Variants in KIAA0513 observed in about 807,000 individuals in gnomAD.
KIAA0513 encodes uncharacterized protein KIAA0513.
KIAA0513 carries 39 observed loss-of-function variants against 56.5 expected under a neutral mutation model. The ratio of observed to expected loss-of-function variants is 0.69; its 90% CI spans 0.53 to 0.90. The LOEUF (loss-of-function observed/expected upper bound fraction) is 0.90. Ranked by LOEUF, KIAA0513 falls within the 40% of genes least tolerant of loss-of-function variation. KIAA0513 has a pLI of 0.00. For missense variants in KIAA0513, 591 were observed against 535.2 expected, an observed-to-expected ratio of 1.10 and a Z score of -1.03; for synonymous variants, 268 against 215.6, an observed-to-expected ratio of 1.24 and a Z score of -2.13.
chr16:85,077,561 G>A lies in KIAA0513; in HGVS notation c.711G>A (p.Arg237=). ...AERLLKNTSA[R]TENVKGFFGG... ...GGCTGCTGAAGAACACCTCGGCCAGGACTGAGAATGTCAAGGGCTTCTTCG... is the reference window on the plus strand; with the variant it reads ...GGCTGCTGAAGAACACCTCGGCCAGAACTGAGAATGTCAAGGGCTTCTTCG... The change falls in exon 6 of 13, where the codon AGG becomes AGA. Residue 237 remains arginine, a synonymous_variant. Coordinates refer to ENST00000683363, the MANE Select transcript of KIAA0513 (RefSeq NM_001388359.1). 6.2e-7 allele frequency: 1 copy of A among 1,614,174 alleles called. No homozygotes were observed. The highest frequency in any genetic ancestry group is 1.1e-5 in the South Asian group (1 of 91,080).
intron 10 of KIAA0513, among the ~76,000 whole-genome samples, chr16:85,085,241 T>C (rs371984408): frequency 2.6e-5 from 4 of 152,322 alleles, no homozygotes; most frequent in African/African-American, 9.6e-5. Flanking sequence ...TCTGGTGTCT[T>C]CGTGGGCATC....
At chr16:85,058,763 A>G (rs1358612528) in intron 1 of KIAA0513, among the ~76,000 whole-genome samples, 2 of 152,238 alleles carry the variant, frequency 1.3e-5, no homozygotes, top group African/African-American at 4.8e-5. Context: ...AGACCTTGTC[A>G]TCACAGTAAT....
chr16:85,045,751 A>C (rs2073162532), intron 1 of KIAA0513, among the ~76,000 whole-genome samples: 1 of 152,238 alleles, frequency 6.6e-6, no homozygotes. Context: ...GCAGGGGACC[A>C]GGTTCTGCTC....
chr16:85,072,103 A>G (rs1012438511), intron 3 of KIAA0513, among the ~76,000 whole-genome samples: 1 of 152,200 alleles, frequency 6.6e-6, no homozygotes, highest in Non-Finnish European at 1.5e-5. Flanking sequence ...CTGTAATCCC[A>G]GCAGTTTGGG....
At chr16:85,052,243 C>T (rs9934561) in intron 1 of KIAA0513, among the ~76,000 whole-genome samples, 11,014 of 152,096 alleles carry the variant, frequency 0.072, 414 homozygotes, top group African/African-American at 0.1. Flanking sequence ...TCGCTTGAAC[C>T]CTGGAGGTGG....
chr16:85,046,313 T>C (rs1277605327), intron 1 of KIAA0513, among the ~76,000 whole-genome samples: 1 of 152,208 alleles, frequency 6.6e-6, no homozygotes, highest in Non-Finnish European at 1.5e-5. Flanking sequence ...CCTGGAGTGC[T>C]TTCTACATGC....
At chr16:85,041,526 C>T (rs995322649) in intron 1 of KIAA0513, among the ~76,000 whole-genome samples, 2 of 152,150 alleles carry the variant, frequency 1.3e-5, no homozygotes, top group African/African-American at 2.4e-5. Context: ...ATCTTTGTTT[C>T]GTAGGATTTA....
chr16:85,081,268 T>TC lies in KIAA0513; in HGVS notation c.903-43dup. ...CTCAAGGGGCCCACAACCCGTGTCC[T>TC]CCCCGCCTCCCCTTGGAGAGAGTGT... On this transcript the variant is annotated intron_variant, in intron 8 of 12. Coordinates refer to ENST00000683363, the MANE Select transcript of KIAA0513 (RefSeq NM_001388359.1). This position sits in a 1 kb window ranked among gnomAD's most constrained non-coding sequence, Gnocchi z 4.4. 6.3e-7 allele frequency: 1 copy of TC among 1,579,334 alleles called. No homozygotes were observed. Among genetic ancestry groups the TC allele is most frequent in the Non-Finnish European group, 8.7e-7 (1 of 1,149,168 alleles).
At chr16:85,059,196 T>A (rs2073369966) in intron 1 of KIAA0513, among the ~76,000 whole-genome samples, 1 of 152,230 alleles carries the variant, frequency 6.6e-6, no homozygotes, top group South Asian at 2.1e-4. Flanking sequence ...AAAAGACATG[T>A]AAACATGACC....
intron 8 of KIAA0513, chr16:85,079,534 G>T (rs1299516373): frequency 6.4e-6 from 1 of 156,026 alleles, no homozygotes; most frequent in Non-Finnish European, 1.4e-5. Flanking sequence ...CTCAGTGGAA[G>T]AAGCCAGACA....
chr16:85,051,977 T>C (rs1401362000), intron 1 of KIAA0513, among the ~76,000 whole-genome samples: 2 of 151,910 alleles, frequency 1.3e-5, no homozygotes, highest in African/African-American at 2.4e-5. Context: ...TTTTAAGTCT[T>C]ACAAGCACTT....
chr16:85,043,901 G>A (rs532374159), intron 1 of KIAA0513, among the ~76,000 whole-genome samples: 5 of 152,252 alleles, frequency 3.3e-5, no homozygotes, highest in Non-Finnish European at 5.9e-5. Flanking sequence ...GCGAGGTGGC[G>A]CATGCCTGTA....
In KIAA0513 at chr16:85,092,374, C is replaced by T. The variant is rs1414273076; in HGVS notation, c.*4049C>T. On this transcript the variant is annotated 3_prime_UTR_variant, in exon 13 of 13. Transcript: ENST00000683363. ...TAGTGTTTCCAAGAACAGTGTGGAG[C>T]TTGAGAAAGAGAACTTTAAAAATTA... 1 of 152,222 alleles carries T rather than the reference C, an allele frequency of 6.6e-6. No individual in the cohort carries two copies. Among genetic ancestry groups the T allele is most frequent in the Non-Finnish European group, 1.5e-5 (1 of 68,074 alleles). 9.4% of individuals were successfully genotyped at this position (152,222 alleles called of 1,614,324 possible). A position where few individuals can be genotyped will look rare whatever the true frequency, so the allele number is the denominator to read the frequency against.
intron 1 of KIAA0513, among the ~76,000 whole-genome samples, chr16:85,041,774 T>G (rs76170651): frequency 0.018 from 2,740 of 152,184 alleles, 89 homozygotes; most frequent in African/African-American, 0.062. Context: ...TTCCCCTGTT[T>G]CTCTGTGTTA....
chr16:85,092,481 C>G lies in KIAA0513; in HGVS notation c.*4156C>G, dbSNP rs973522694. 1 of 152,146 alleles carries G rather than the reference C, an allele frequency of 6.6e-6. No homozygotes were observed. The highest frequency in any genetic ancestry group is 2.4e-5 in the African/African-American group (1 of 41,434). The allele number at this position is 152,146 out of a possible 1,614,324, so 9.4% of individuals were successfully genotyped here. On this transcript the variant is annotated 3_prime_UTR_variant, in exon 13 of 13. Transcript: ENST00000683363. ...AGCCTCAGGGACGGGGAGGGAGAGC[C>G]CCCTCTGGGCCCAGCAGGCAGGTGT...
At position 85,090,393 on chromosome 16, in the gene KIAA0513, C is replaced by T. The variant is rs961411326; in HGVS notation, c.*2068C>T. ...TGTTCTGCGGTGCCCACAGGACTTA[C>T]CCCTGTATGTACAGGATTTTTGTAT... On this transcript the variant is annotated 3_prime_UTR_variant, in exon 13 of 13. Coordinates refer to ENST00000683363, the MANE Select transcript of KIAA0513 (RefSeq NM_001388359.1). The T allele has an allele frequency of 6.6e-6, 1 of 152,158 alleles. No homozygotes were observed. The highest frequency in any genetic ancestry group is 2.4e-5 in the African/African-American group (1 of 41,430). The allele number at this position is 152,158 out of a possible 1,614,324, so 9.4% of individuals were successfully genotyped here. A position where few individuals can be genotyped will look rare whatever the true frequency, so the allele number is the denominator to read the frequency against.
chr16:85,070,691 A>G (rs868208137), intron 2 of KIAA0513, among the ~76,000 whole-genome samples: 5 of 152,246 alleles, frequency 3.3e-5, no homozygotes, highest in African/African-American at 1.2e-4. Context: ...AAAAAAATTG[A>G]TAAATAAAAA....
At chr16:85,062,211 AACAC>A (rs5818523) in intron 1 of KIAA0513, among the ~76,000 whole-genome samples, 11,709 of 149,318 alleles carry the variant, frequency 0.078, 1,416 homozygotes, top group African/African-American at 0.26. Context: ...TACGTACGTA[AACAC>A]ACACACACAC....
In KIAA0513 at chr16:85,086,532, G is replaced by A. The variant is rs546594717; in HGVS notation, c.1011-112G>A. The A allele has an allele frequency of 7.5e-5, 74 of 991,814 alleles. No homozygotes were observed. In the African/African-American group the frequency reaches 8.0e-4, roughly 11 times the overall value. The allele number at this position is 991,814 out of a possible 1,614,324, so 61.4% of individuals were successfully genotyped here. A position where few individuals can be genotyped will look rare whatever the true frequency, so the allele number is the denominator to read the frequency against. On this transcript the variant is annotated intron_variant, in intron 10 of 12. Transcript: ENST00000683363. ...GTGGAAGGCACCCCCTTCTGTGCCCGGTGGGGGCCGTACATGGGTGCCGCC... is the reference window on the plus strand; with the variant it reads ...GTGGAAGGCACCCCCTTCTGTGCCCAGTGGGGGCCGTACATGGGTGCCGCC...
Sources: gnomAD v4.1 joint callset for allele counts (sites outside exome capture counted in the v4.1 genomes callset) on GRCh38, gnomAD v4.1.1 for gene constraint, Gnocchi (gnomAD v3.1) non-coding constraint, MANE v1.5 for transcripts, NCBI Gene and HGNC (gene_info 2026-07-23, HGNC 2026-07-21) for gene names.